IBA57: variants seen among roughly 807,000 people sequenced by gnomAD.
IBA57 encodes iron-sulfur cluster assembly factor IBA57, mitochondrial.
In IBA57, 20 loss-of-function variants were observed where a neutral mutation model predicts 20.4. The observed-to-expected ratio is 0.98, with a 90% confidence interval of 0.69 to 1.42. IBA57 has a LOEUF of 1.42. Among genes scored for constraint, IBA57 ranks in the 40% most tolerant of loss-of-function variants. The probability of loss-of-function intolerance (pLI) is 0.00; values close to 1 mark genes in which losing one functional copy is unlikely to be tolerated. For synonymous variants in IBA57, 310 were observed against 233.9 expected (o/e 1.33, Z -2.97); for missense variants, 608 against 499.3 (o/e 1.22, Z -2.07).
intron 1 of IBA57, among the ~76,000 whole-genome samples, chr1:228,168,969 G>A (rs1338954315): frequency 6.6e-6 from 1 of 152,174 alleles, no homozygotes; most frequent in East Asian, 1.9e-4. Context: ...TTACCTCCTT[G>A]AGTGTCTCCC....
intron 1 of IBA57, among the ~76,000 whole-genome samples, chr1:228,167,476 C>T (rs930922912): frequency 6.6e-6 from 1 of 152,072 alleles, no homozygotes; most frequent in Non-Finnish European, 1.5e-5. Context: ...CCCGCCTCAG[C>T]CTCCCAAATA....
In IBA57 at chr1:228,173,985, C is replaced by A. The variant is rs2124975827; in HGVS notation, c.342-707C>A. Among the ~76,000 whole-genome samples, 2 of 152,352 alleles carry A rather than the reference C, an allele frequency of 1.3e-5. 1 individual carries two copies. Among genetic ancestry groups the A allele is most frequent in the South Asian group, 4.1e-4 (2 of 4,832 alleles). On this transcript the variant is annotated intron_variant, in intron 1 of 2. Transcript: ENST00000366711. ...TTTCCATGCGCTGGTCCAGGTGTACCCTGCCTGGCCTGCTGTGCGTTGTCT... is the reference window on the plus strand; with the variant it reads ...TTTCCATGCGCTGGTCCAGGTGTACACTGCCTGGCCTGCTGTGCGTTGTCT...
intron 1 of IBA57, among the ~76,000 whole-genome samples, chr1:228,167,606 C>T (rs1443070718): frequency 6.6e-6 from 1 of 152,204 alleles, no homozygotes; most frequent in East Asian, 1.9e-4. Flanking sequence ...ATCCACCCGC[C>T]TCGGCCTCCC....
At chr1:228,167,537 A>C (rs1438324526) in intron 1 of IBA57, among the ~76,000 whole-genome samples, 1 of 152,014 alleles carries the variant, frequency 6.6e-6, no homozygotes, top group Non-Finnish European at 1.5e-5. Flanking sequence ...TTGTATTTTT[A>C]GTAGAGACAG....
rs1259610515 is a variant in IBA57 at position 228,181,787 on chromosome 1, T to A, written c.*6274T>A. The stretch of plus-strand genomic sequence containing the variant: ...CAGCGCTTGGTGCTGTCAGTCTTCT[T>A]AGTTTCCATTTAGAGATTCAGTGTT... On this transcript the variant is annotated 3_prime_UTR_variant, in exon 3 of 3. Coordinates refer to ENST00000366711, the MANE Select transcript of IBA57 (RefSeq NM_001010867.4). 6.6e-6 allele frequency: 1 copy of A among 152,388 alleles called. No homozygotes were observed. The highest frequency in any genetic ancestry group is 6.5e-5 in the Admixed American group (1 of 15,306). 9.4% of individuals were successfully genotyped at this position (152,388 alleles called of 1,614,324 possible).
At chr1:228,166,215 C>A in intron 1 of IBA57, 58 bp downstream of exon 1, 1 of 1,020,248 alleles carries the variant, frequency 9.8e-7, no homozygotes, top group Non-Finnish European at 1.2e-6. Context: ...GGCCAGGGAC[C>A]GGCACCCAGG....
Position 228,166,184 on chromosome 1 carries a change from G to T in IBA57, c.341+27G>T, listed in dbSNP as rs760378345. 4 of 1,409,004 alleles carry T rather than the reference G, an allele frequency of 2.8e-6. No individual in the cohort carries two copies. The African/African-American group carries it at 4.5e-5, about 16-fold the overall frequency. 87.3% of individuals were successfully genotyped at this position (1,409,004 alleles called of 1,614,324 possible). On this transcript the variant is annotated intron_variant, in intron 1 of 2. Transcript: ENST00000366711. ...TGAGCGCGTGCTGGGAGGGCGCTCG[G>T]GGGCGGGCACCCAGGGGAGTGGCCA...
chr1:228,178,207 TTGAC>T lies in IBA57; in HGVS notation c.*2697_*2700del, dbSNP rs2035056283. On this transcript the variant is annotated 3_prime_UTR_variant, in exon 3 of 3. Coordinates refer to ENST00000366711, the MANE Select transcript of IBA57 (RefSeq NM_001010867.4). ...GGTTATGAGGCAGGACGTGTGGTGT[TTGAC>T]TGTCTGTTTCTGAGCTGTTTTACTT... 6.6e-6 allele frequency: 1 copy of T among 152,228 alleles called. No homozygotes were observed. The highest frequency in any genetic ancestry group is 2.4e-5 in the African/African-American group (1 of 41,452). 9.4% of individuals were successfully genotyped at this position (152,228 alleles called of 1,614,324 possible). A position where few individuals can be genotyped will look rare whatever the true frequency, so the allele number is the denominator to read the frequency against.
chr1:228,175,600 C>G lies in IBA57; in HGVS notation c.*87C>G, dbSNP rs1320761007. 15 of 1,449,056 alleles carry G rather than the reference C, an allele frequency of 1.0e-5. No individual in the cohort carries two copies. In the Admixed American group the frequency reaches 1.7e-4, roughly 16 times the overall value. The allele number at this position is 1,449,056 out of a possible 1,614,324, so 89.8% of individuals were successfully genotyped here. A position where few individuals can be genotyped will look rare whatever the true frequency, so the allele number is the denominator to read the frequency against. On this transcript the variant is annotated 3_prime_UTR_variant, in exon 3 of 3. Transcript: ENST00000366711. ...TCCAGGGTCTTCCCGTCCCATCTGT[C>G]TGCTGCGCCTACTGGGTGGGAGCCC... is the stretch of plus-strand genomic sequence containing the variant.
At position 228,180,956 on chromosome 1, in the gene IBA57, A is replaced by AT. The variant is rs901779799; in HGVS notation, c.*5449dup. The AT allele has an allele frequency of 3.3e-5, 5 of 151,648 alleles. No homozygotes were observed. Among genetic ancestry groups the AT allele is most frequent in the African/African-American group, 1.2e-4 (5 of 41,258 alleles). 9.4% of individuals were successfully genotyped at this position (151,648 alleles called of 1,614,324 possible). On this transcript the variant is annotated 3_prime_UTR_variant, in exon 3 of 3. Transcript: ENST00000366711. ...CCACAGGTGCATGCTAATTTTTAAA[A>AT]TTTTTTGTTTTTAAATGCTGGTCTT...
chr1:228,166,225 G>T, intron 1 of IBA57, 68 bp downstream of exon 1: 1 of 1,255,000 alleles, frequency 8.0e-7, no homozygotes, highest in Non-Finnish European at 1.0e-6. Context: ...CGGCACCCAG[G>T]GACAGGGCGG....
chr1:228,172,251 T>A (rs1015361839), intron 1 of IBA57: 1 of 152,200 alleles, frequency 6.6e-6, no homozygotes, highest in African/African-American at 2.4e-5. Context: ...TTTGTGTGTC[T>A]TACTTTGTGC....
chr1:228,178,020 T>G lies in IBA57; in HGVS notation c.*2507T>G, dbSNP rs1391733956. The G allele has an allele frequency of 1.3e-5, 2 of 151,964 alleles. No homozygotes were observed. Among genetic ancestry groups the G allele is most frequent in the Non-Finnish European group, 1.5e-5 (1 of 68,130 alleles). The allele number at this position is 151,964 out of a possible 1,614,324, so 9.4% of individuals were successfully genotyped here. On this transcript the variant is annotated 3_prime_UTR_variant, in exon 3 of 3. Coordinates refer to ENST00000366711, the MANE Select transcript of IBA57 (RefSeq NM_001010867.4). Reference sequence around the variant, plus strand: ...CATAGGAAGTTCGTGTGTGTGTGTGTGTGTGTGAATTCAAGGCATAAGGTG... The same window carrying G: ...CATAGGAAGTTCGTGTGTGTGTGTGGGTGTGTGAATTCAAGGCATAAGGTG...
At position 228,180,891 on chromosome 1, in the gene IBA57, T is replaced by C. The variant is rs1015934132; in HGVS notation, c.*5378T>C. 6 of 151,692 alleles carry C rather than the reference T, an allele frequency of 4.0e-5. No homozygotes were observed. Among genetic ancestry groups the C allele is most frequent in the African/African-American group, 1.5e-4 (6 of 41,292 alleles). The allele number at this position is 151,692 out of a possible 1,614,324, so 9.4% of individuals were successfully genotyped here. On this transcript the variant is annotated 3_prime_UTR_variant, in exon 3 of 3. Transcript: ENST00000366711. ...CCAGGCTGGTCTTGAATTTCTGGGC[T>C]CAGGTGATCTTCCCACCTCAGCCTC...
rs56832724 is a variant in IBA57, at chr1:228,175,544, G to A, written c.*31G>A. 2,744 of 1,529,060 alleles carry A rather than the reference G, an allele frequency of 1.8e-3. 47 individuals are homozygous for A. The African/African-American group carries it at 0.032, about 18-fold the overall frequency. 94.7% of individuals were successfully genotyped at this position (1,529,060 alleles called of 1,614,324 possible). On this transcript the variant is annotated 3_prime_UTR_variant, in exon 3 of 3. Coordinates refer to ENST00000366711, the MANE Select transcript of IBA57 (RefSeq NM_001010867.4). ...AGCCTTGGCTGGCGCAGGCTGATGG[G>A]GAGGCTGGGGCCTGGGGCCTTTGGC...
Position 228,173,400 on chromosome 1 carries a change from C to CCCCA in IBA57, c.342-1289_342-1288insACCC, listed in dbSNP as rs35881512. 1.6e-3 allele frequency: 11 copies of CCCCA among 6,778 alleles called. 1 individual carries two copies. The highest frequency in any genetic ancestry group is 2.0e-3 in the Non-Finnish European group (4 of 1,956). The allele number at this position is 6,778 out of a possible 1,614,324, so 0.4% of individuals were successfully genotyped here. A position where few individuals can be genotyped will look rare whatever the true frequency, so the allele number is the denominator to read the frequency against. On this transcript the variant is annotated intron_variant, in intron 1 of 2. Transcript: ENST00000366711. ...GTACCCCAGGTGTCTCCACTTAGTG[C>CCCCA]CCCCCCCCCCGACATGCCCCACGCT...
intron 1 of IBA57, among the ~76,000 whole-genome samples, 163 bp downstream of exon 1, chr1:228,166,320 C>T (rs2034853056): frequency 6.6e-6 from 1 of 151,962 alleles, no homozygotes; most frequent in South Asian, 2.1e-4. Flanking sequence ...GGTGGGCCAG[C>T]GACTGGCACT....
Position 228,174,949 on chromosome 1 carries a change from C to A in IBA57, c.599C>A (p.Thr200Asn). The A allele has an allele frequency of 6.4e-7, 1 of 1,573,330 alleles. No homozygotes were observed. Among genetic ancestry groups the A allele is most frequent in the Admixed American group, 1.7e-5 (1 of 57,386 alleles). ...RTARMGWRLL[T>N]QDEGPALVPG... is the part of the protein sequence containing the mutation. ...GCACGCATGGGGTGGCGGCTCCTCA[C>A]CCAGGATGAAGGCCCAGCCCTGGTG... The change falls in exon 2 of 3, where the codon ACC becomes AAC. Residue 200 changes from threonine (T) to asparagine (N), a missense_variant. Thr to Asn is a moderately conservative substitution (Grantham distance 65). Coordinates refer to ENST00000366711, the MANE Select transcript of IBA57 (RefSeq NM_001010867.4).
Position 228,179,737 on chromosome 1 carries a change from G to T in IBA57, c.*4224G>T, listed in dbSNP as rs1368323726. On this transcript the variant is annotated 3_prime_UTR_variant, in exon 3 of 3. Transcript: ENST00000366711. ...AGGCAGAAAAGAAAGAGATTATCTG[G>T]AAAGAAGAAAATAAGTAGTTGATTA... is the stretch of plus-strand genomic sequence containing the variant. 1 of 152,130 alleles carries T rather than the reference G, an allele frequency of 6.6e-6. No homozygotes were observed. The highest frequency in any genetic ancestry group is 1.5e-5 in the Non-Finnish European group (1 of 68,036). The allele number at this position is 152,130 out of a possible 1,614,324, so 9.4% of individuals were successfully genotyped here.
Sources: gnomAD v4.1 joint callset for allele counts (sites outside exome capture counted in the v4.1 genomes callset) on GRCh38, gnomAD v4.1.1 for gene constraint, MANE v1.5 for transcripts, NCBI Gene and HGNC (gene_info 2026-07-23, HGNC 2026-07-21) for gene names.